The following RBMS3 variants were observed in gnomAD, a reference collection of about 807,000 sequenced individuals.
The protein encoded by RBMS3 is RNA-binding motif, single-stranded-interacting protein 3.
Under a neutral mutation model 66.8 loss-of-function variants are expected in RBMS3, and 27 were observed. The observed-to-expected ratio is 0.40, with a 90% CI of 0.30 to 0.56. RBMS3 has a LOEUF of 0.56. Ranked by LOEUF, RBMS3 falls within the 20% of genes least tolerant of loss-of-function variation. RBMS3 has a pLI of 0.40. For missense variants in RBMS3, 513 were observed against 549.5 expected (o/e 0.93, Z 0.66); for synonymous variants, 188 against 183.0 (o/e 1.03, Z -0.22).
intron 12 of RBMS3, among the ~76,000 whole-genome samples, chr3:29,983,234 G>A (rs111430278): frequency 2.3e-4 from 22 of 94,108 alleles, no homozygotes; most frequent in East Asian, 2.0e-3. Flanking sequence ...TGCAACCCCC[G>A]CCCCCTTTTT....
chr3:29,335,260 T>A (rs1559496830), intron 1 of RBMS3, among the ~76,000 whole-genome samples: 1 of 152,172 alleles, frequency 6.6e-6, no homozygotes, highest in Non-Finnish European at 1.5e-5. Context: ...TGGTTTTGAT[T>A]CAATCTCCAA....
chr3:29,788,901 G>T (rs1315762111), intron 6 of RBMS3, among the ~76,000 whole-genome samples: 1 of 152,084 alleles, frequency 6.6e-6, no homozygotes, highest in Non-Finnish European at 1.5e-5. Context: ...CCAATACAAT[G>T]GTTATGAATC....
intron 3 of RBMS3, among the ~76,000 whole-genome samples, chr3:29,584,877 G>A (rs776627410): frequency 4.6e-5 from 7 of 151,896 alleles, no homozygotes; most frequent in Non-Finnish European, 7.4e-5. Flanking sequence ...CAGCTCCCCC[G>A]CAACATTGCA....
At chr3:29,359,379 G>A (rs2037424108) in intron 1 of RBMS3, among the ~76,000 whole-genome samples, 1 of 152,200 alleles carries the variant, frequency 6.6e-6, no homozygotes, top group East Asian at 1.9e-4. Context: ...AACCAGCCTT[G>A]CATCCCAGGG....
chr3:29,795,170 G>C (rs1039598176), intron 6 of RBMS3, among the ~76,000 whole-genome samples: 1 of 152,170 alleles, frequency 6.6e-6, no homozygotes, highest in Non-Finnish European at 1.5e-5. Context: ...AAAACTGCAC[G>C]GCTGGTACCT....
intron 1 of RBMS3, among the ~76,000 whole-genome samples, chr3:29,304,149 GTA>G (rs1449510892): frequency 1.3e-5 from 2 of 151,840 alleles, no homozygotes; most frequent in Non-Finnish European, 2.9e-5. Flanking sequence ...GTTTGCTTTT[GTA>G]TATAGTCTGT....
intron 3 of RBMS3, chr3:29,537,581 T>C (rs2045610954): frequency 6.6e-6 from 1 of 152,312 alleles, no homozygotes; most frequent in South Asian, 2.1e-4. Context: ...TCCCAGCACT[T>C]TGGCAGGCCG....
rs569962788 is a variant in RBMS3 at position 29,674,674 on chromosome 3, A to C, written c.400-65046A>C. 3.5e-3 allele frequency among the ~76,000 whole-genome samples: 527 copies of C among 151,382 alleles called. 3 individuals carry two copies. The highest frequency in any genetic ancestry group is 0.012 in the African/African-American group (490 of 41,222). On this transcript the variant is annotated intron_variant, in intron 4 of 14. Coordinates refer to ENST00000383767, the MANE Select transcript of RBMS3 (RefSeq NM_001003793.3). ...AATTGCTTCAAAGAGAATAAAATAC[A>C]TAGGAATCCAACTTACAAGGGATGT...
intron 1 of RBMS3, among the ~76,000 whole-genome samples, chr3:29,407,042 C>T (rs1438976542): frequency 6.6e-6 from 1 of 152,112 alleles, no homozygotes; most frequent in African/African-American, 2.4e-5. Context: ...GATGGGTCTC[C>T]AGGTTGAAGT....
At chr3:29,837,887 T>C (rs1033677086) in intron 6 of RBMS3, among the ~76,000 whole-genome samples, 1 of 151,248 alleles carries the variant, frequency 6.6e-6, no homozygotes, top group Non-Finnish European at 1.5e-5. Flanking sequence ...TACAGAGCCC[T>C]GGTACTGCAT....
chr3:29,679,136 A>T (rs993575742), intron 4 of RBMS3, among the ~76,000 whole-genome samples: 3 of 151,928 alleles, frequency 2.0e-5, no homozygotes, highest in African/African-American at 7.3e-5. Context: ...TGTCTCTGCA[A>T]ATGGAGTCCC....
intron 4 of RBMS3, among the ~76,000 whole-genome samples, chr3:29,661,555 T>C (rs1334212276): frequency 2.0e-5 from 3 of 151,432 alleles, no homozygotes; most frequent in Non-Finnish European, 4.4e-5. Context: ...GTTAATATCA[T>C]TTATTTTTTC....
At chr3:29,451,155 T>C (rs982037449) in intron 2 of RBMS3, among the ~76,000 whole-genome samples, 3 of 152,204 alleles carry the variant, frequency 2.0e-5, no homozygotes, top group Non-Finnish European at 2.9e-5. Context: ...TATACTCTTA[T>C]CAATTTCACT....
intron 4 of RBMS3, among the ~76,000 whole-genome samples, chr3:29,602,904 A>G (rs1419310768): frequency 1.3e-5 from 2 of 151,978 alleles, no homozygotes; most frequent in African/African-American, 4.8e-5. Context: ...CCTCAGGCCC[A>G]AGGTCAAGTG....
intron 4 of RBMS3, among the ~76,000 whole-genome samples, chr3:29,680,027 T>C (rs1267088271): frequency 1.3e-5 from 2 of 152,178 alleles, no homozygotes; most frequent in African/African-American, 4.8e-5. Context: ...GCCTCTTCCA[T>C]TCTGCCAGTG....
At chr3:29,793,190 C>G (rs2057070061) in intron 6 of RBMS3, among the ~76,000 whole-genome samples, 1 of 150,024 alleles carries the variant, frequency 6.7e-6, no homozygotes, top group Non-Finnish European at 1.5e-5. Flanking sequence ...CAGATTGCAC[C>G]ACTGCACTTC....
At chr3:29,362,523 C>T (rs1341587061) in intron 1 of RBMS3, among the ~76,000 whole-genome samples, 2 of 152,164 alleles carry the variant, frequency 1.3e-5, no homozygotes, top group African/African-American at 4.8e-5. Flanking sequence ...GCAGTCTGCC[C>T]ATTGTCAGAT....
intron 2 of RBMS3, among the ~76,000 whole-genome samples, chr3:29,473,085 T>C (rs2042802963): frequency 6.6e-6 from 1 of 151,920 alleles, no homozygotes; most frequent in Non-Finnish European, 1.5e-5. Flanking sequence ...AGGGTGCTGA[T>C]TGGTGTGTTT....
At chr3:29,981,799 CT>C (rs1698015014) in intron 12 of RBMS3, among the ~76,000 whole-genome samples, 1 of 152,104 alleles carries the variant, frequency 6.6e-6, no homozygotes, top group Non-Finnish European at 1.5e-5. Flanking sequence ...TAATGATAAG[CT>C]TTTTGATGTG....
Sources: gnomAD v4.1 joint callset for allele counts (sites outside exome capture counted in the v4.1 genomes callset) on GRCh38, gnomAD v4.1.1 for gene constraint, MANE v1.5 for transcripts, NCBI Gene and HGNC (gene_info 2026-07-23, HGNC 2026-07-21) for gene names.